RPAP3: variants seen among roughly 807,000 people sequenced by gnomAD.
RPAP3 encodes the protein RNA polymerase II associated protein 3.
A neutral mutation model predicts 88.8 loss-of-function variants in RPAP3; 58 were observed. That is an observed-to-expected ratio of 0.65 (90% confidence interval 0.53 to 0.81). The LOEUF (loss-of-function observed/expected upper bound fraction) is 0.81. Ranked by LOEUF, RPAP3 falls within the 40% of genes least tolerant of loss-of-function variation. RPAP3 has a pLI of 0.00. For missense variants in RPAP3, 751 were observed against 764.3 expected, an observed-to-expected ratio of 0.98 and a Z score of 0.20; for synonymous variants, 255 against 259.9, an observed-to-expected ratio of 0.98 and a Z score of 0.18.
rs1378494074 is a variant in RPAP3, at chr12:47,682,221, T to C, written c.993-404A>G. 3.3e-5 allele frequency among the ~76,000 whole-genome samples: 5 copies of C among 152,282 alleles called. No individual in the cohort carries two copies. The South Asian group carries it at 6.2e-4, about 19-fold the overall frequency. On this transcript the variant is annotated intron_variant, in intron 9 of 16. Coordinates refer to ENST00000005386, the MANE Select transcript of RPAP3 (RefSeq NM_024604.3). Reference sequence around the variant, plus strand: ...ACATTTACCCACAGTAAACCTCCCATACTCATAGAAAAACAAAAAAATGAG... The same window carrying C: ...ACATTTACCCACAGTAAACCTCCCACACTCATAGAAAAACAAAAAAATGAG...
intron 12 of RPAP3, among the ~76,000 whole-genome samples, chr12:47,672,021 C>G (rs2136611377): frequency 6.8e-6 from 1 of 146,726 alleles, no homozygotes; most frequent in East Asian, 2.0e-4. Context: ...GAGAGAAGAA[C>G]AAAGGAATAA....
At chr12:47,683,290 A>G (rs7303895) in intron 9 of RPAP3, among the ~76,000 whole-genome samples, 15,766 of 151,878 alleles carry the variant, frequency 0.1, 954 homozygotes, top group African/African-American at 0.16. Flanking sequence ...CTTTTCTGTC[A>G]CTCCCTGCAA....
chr12:47,667,104 C>T, intron 15 of RPAP3, 24 bp from the exon 16 acceptor site: 1 of 1,116,974 alleles, frequency 9.0e-7, no homozygotes, highest in South Asian at 1.9e-5. Flanking sequence ...AATATAGAAA[C>T]AAATGATCAG....
Position 47,679,769 on chromosome 12 carries a change from C to T in RPAP3, c.1120G>A (p.Glu374Lys). 3 of 1,602,478 alleles carry T rather than the reference C, an allele frequency of 1.9e-6. No homozygotes were observed. The highest frequency in any genetic ancestry group is 2.3e-5 in the South Asian group (2 of 88,172). Residue 374 changes from glutamate (E) to lysine (K), a missense_variant, in exon 11 of 17, where the codon GAA becomes AAA. Coordinates refer to ENST00000005386, the MANE Select transcript of RPAP3 (RefSeq NM_024604.3). ...CCAGGTTCCAGAAGTAAAACAGTTTCAAAATCTAAAGCGAATTTTTTAAAA... is the reference window on the plus strand; with the variant it reads ...CCAGGTTCCAGAAGTAAAACAGTTTTAAAATCTAAAGCGAATTTTTTAAAA... ...GKLNEAKQDF[E>K]TVLLLEPGNK...
chr12:47,688,028 TAAAAC>T (rs917428652), intron 7 of RPAP3, 27 bp from the exon 8 acceptor site: 2 of 1,583,750 alleles, frequency 1.3e-6, no homozygotes, highest in Admixed American at 1.8e-5. Flanking sequence ...TCAGCTAAAA[TAAAAC>T]AAAGTAATGC....
chr12:47,681,870 T>C, intron 9 of RPAP3, 53 bp from the exon 10 acceptor site: 1 of 1,499,532 alleles, frequency 6.7e-7, no homozygotes, highest in African/African-American at 1.4e-5. Context: ...TATGGAAAAA[T>C]GTCATATAAA....
chr12:47,705,073 T>C (rs1343210220), intron 1 of RPAP3, among the ~76,000 whole-genome samples: 1 of 152,098 alleles, frequency 6.6e-6, no homozygotes, highest in Admixed American at 6.5e-5. Context: ...ATATAAGACT[T>C]GTTCTTGAGC....
intron 12 of RPAP3, among the ~76,000 whole-genome samples, chr12:47,679,230 A>C (rs1034650573): frequency 6.6e-6 from 1 of 152,166 alleles, no homozygotes; most frequent in East Asian, 1.9e-4. Flanking sequence ...AGGGAACATC[A>C]CACACTGGGA....
At chr12:47,684,259 C>T (rs941056727) in intron 9 of RPAP3, among the ~76,000 whole-genome samples, 6 of 152,210 alleles carry the variant, frequency 3.9e-5, no homozygotes, top group Non-Finnish European at 7.4e-5. Context: ...TTTAGACTAT[C>T]ACCTCCAGAA....
At position 47,701,452 on chromosome 12, in the gene RPAP3, A is replaced by G; in HGVS notation, c.294+12T>C. 1 of 1,545,234 alleles carries G rather than the reference A, an allele frequency of 6.5e-7. No homozygotes were observed. Among genetic ancestry groups the G allele is most frequent in the Non-Finnish European group, 8.7e-7 (1 of 1,150,576 alleles). On this transcript the variant is annotated intron_variant, in intron 3 of 16. Coordinates refer to ENST00000005386, the MANE Select transcript of RPAP3 (RefSeq NM_024604.3). ...CTCAAATATTAAGAAGCAAATGACT[A>G]GATTAACTTACCACATCAAGTTTTG... is the stretch of plus-strand genomic sequence containing the variant.
intron 14 of RPAP3, among the ~76,000 whole-genome samples, chr12:47,668,413 G>C (rs2136606745): frequency 6.6e-6 from 1 of 152,198 alleles, no homozygotes; most frequent in East Asian, 1.9e-4. Context: ...AATATAACTA[G>C]AGATTTTTAA....
chr12:47,671,792 G>A (rs1477984650), intron 12 of RPAP3, among the ~76,000 whole-genome samples: 1 of 152,094 alleles, frequency 6.6e-6, no homozygotes, highest in African/African-American at 2.4e-5. Flanking sequence ...TGTAGACCCG[G>A]GGTACTGAGA....
At chr12:47,668,004 G>A (rs992241793) in intron 14 of RPAP3, among the ~76,000 whole-genome samples, 153 bp from the exon 15 acceptor site, 1 of 152,164 alleles carries the variant, frequency 6.6e-6, no homozygotes, top group Non-Finnish European at 1.5e-5. Context: ...AGACCAGTCT[G>A]ACCAACATGG....
At chr12:47,686,749 T>C (rs1404649753) in intron 9 of RPAP3, 31 bp downstream of exon 9, 30 of 1,431,850 alleles carry the variant, frequency 2.1e-5, no homozygotes, top group Non-Finnish European at 2.8e-5. Flanking sequence ...ATTTTTATCC[T>C]GAACAGCACT....
intron 3 of RPAP3, among the ~76,000 whole-genome samples, chr12:47,700,931 T>C (rs563444409): frequency 6.6e-6 from 1 of 152,300 alleles, no homozygotes; most frequent in Admixed American, 6.5e-5. Context: ...TCTGACTGTT[T>C]AGGGGTTAGA....
At chr12:47,673,085 T>G (rs773455538) in intron 12 of RPAP3, among the ~76,000 whole-genome samples, 1 of 152,136 alleles carries the variant, frequency 6.6e-6, no homozygotes, top group Non-Finnish European at 1.5e-5. Flanking sequence ...ATGACCATAA[T>G]GTGTGAAAAC....
intron 10 of RPAP3, among the ~76,000 whole-genome samples, chr12:47,680,161 C>T (rs1939195907): frequency 6.6e-6 from 1 of 152,134 alleles, no homozygotes; most frequent in Non-Finnish European, 1.5e-5. Context: ...CTGATATATG[C>T]TCCAACATGG....
intron 3 of RPAP3, among the ~76,000 whole-genome samples, chr12:47,698,781 G>A (rs549831657): frequency 3.7e-4 from 56 of 152,074 alleles, no homozygotes; most frequent in African/African-American, 1.3e-3. Context: ...CAAAGTGTTG[G>A]GATTACAGGC....
rs982108978 is a variant in RPAP3, at chr12:47,662,690, G to A, written c.*815C>T. 1.3e-5 allele frequency: 2 copies of A among 152,144 alleles called. No homozygotes were observed. Among genetic ancestry groups the A allele is most frequent in the African/African-American group, 4.8e-5 (2 of 41,428 alleles). The allele number at this position is 152,144 out of a possible 1,614,324, so 9.4% of individuals were successfully genotyped here. A position where few individuals can be genotyped will look rare whatever the true frequency, so the allele number is the denominator to read the frequency against. On this transcript the variant is annotated 3_prime_UTR_variant, in exon 17 of 17. Coordinates refer to ENST00000005386, the MANE Select transcript of RPAP3 (RefSeq NM_024604.3). ...CAATTAAATTTTATAAGTATCAGTTGAGCACCTAACTATGTGCAAACGTCT... is the reference window on the plus strand; with the variant it reads ...CAATTAAATTTTATAAGTATCAGTTAAGCACCTAACTATGTGCAAACGTCT...
Sources: gnomAD v4.1 joint callset for allele counts (sites outside exome capture counted in the v4.1 genomes callset) on GRCh38, gnomAD v4.1.1 for gene constraint, MANE v1.5 for transcripts, NCBI Gene and HGNC (gene_info 2026-07-23, HGNC 2026-07-21) for gene names.